The following SUSD1 variants were observed in gnomAD, a reference collection of about 807,000 sequenced individuals.
SUSD1 encodes sushi domain-containing protein 1.
In SUSD1, 65 loss-of-function variants were observed where a neutral mutation model predicts 86.9. The observed-to-expected ratio is 0.75, with a 90% CI of 0.61 to 0.92. The LOEUF (loss-of-function observed/expected upper bound fraction) is 0.92. Ranked by LOEUF, SUSD1 falls within the 40% of genes least tolerant of loss-of-function variation. The pLI is 0.00. For synonymous variants in SUSD1, 346 were observed against 350.0 expected (o/e 0.99, Z 0.13); for missense variants, 850 against 929.7 (o/e 0.91, Z 1.11).
intron 5 of SUSD1, among the ~76,000 whole-genome samples, chr9:112,135,748 C>A (rs1410350570): frequency 6.6e-6 from 1 of 152,216 alleles, no homozygotes; most frequent in African/African-American, 2.4e-5. Flanking sequence ...CCACTCCTCA[C>A]TAGAAAATGG....
At chr9:112,110,988 G>GT (rs1367674339) in intron 8 of SUSD1, among the ~76,000 whole-genome samples, 1 of 151,570 alleles carries the variant, frequency 6.6e-6, no homozygotes, top group Non-Finnish European at 1.5e-5. Flanking sequence ...TGGCTTTTTG[G>GT]TTTTTTTGGG....
intron 5 of SUSD1, among the ~76,000 whole-genome samples, chr9:112,141,744 T>G: frequency 7.9e-6 from 1 of 127,042 alleles, no homozygotes; most frequent in South Asian, 2.2e-4. Context: ...TAATATATAT[T>G]ACATGTAATA....
Position 112,175,191 on chromosome 9 carries a change from C to T in SUSD1, c.45G>A (p.Leu15=). The change falls in exon 1 of 17, where the codon CTG becomes CTA. Residue 15 remains leucine (L), a synonymous_variant. Transcript: ENST00000374270. The surrounding 1 kb of genome is among the most constrained non-coding windows in gnomAD (Gnocchi z 4.7). ...CCAGGCCGAGCAGCAGCAACAGCGG[C>T]AGCAGGCGGCGAGACGGGCCCGCAT... ...PWDAGPSRRL[L]PLLLLLGLAR... 1.7e-6 allele frequency: 2 copies of T among 1,153,594 alleles called. No individual in the cohort carries two copies. The highest frequency in any genetic ancestry group is 4.8e-5 in the Admixed American group (1 of 20,964). The allele number at this position is 1,153,594 out of a possible 1,614,324, so 71.5% of individuals were successfully genotyped here. A position where few individuals can be genotyped will look rare whatever the true frequency, so the allele number is the denominator to read the frequency against.
In SUSD1 at chr9:112,087,274, T is replaced by C. The variant is rs761473758; in HGVS notation, c.1475-7109A>G. 4.0e-4 allele frequency among the ~76,000 whole-genome samples: 61 copies of C among 152,172 alleles called. 1 individual carries two copies. The highest frequency in any genetic ancestry group is 2.6e-4 in the Non-Finnish European group (18 of 68,028). ...GCAGCCTCTGCTCACTGAACCCTGC[T>C]GGGTTCAAGTGACTCTTCTGCCTCA... is the stretch of plus-strand genomic sequence containing the variant. On this transcript the variant is annotated intron_variant, in intron 10 of 16. Transcript: ENST00000374270.
chr9:112,166,783 T>C (rs1431178755), intron 1 of SUSD1, among the ~76,000 whole-genome samples: 1 of 152,050 alleles, frequency 6.6e-6, no homozygotes, highest in Non-Finnish European at 1.5e-5. Context: ...AGGGAGGTGG[T>C]TGCCATGTAG....
Position 112,133,187 on chromosome 9 carries a change from A to T in SUSD1, c.707-8751T>A, listed in dbSNP as rs185799210. Among the ~76,000 whole-genome samples, 8 of 152,308 alleles carry T rather than the reference A, an allele frequency of 5.3e-5. No homozygotes were observed. The East Asian group carries it at 1.5e-3, about 29-fold the overall frequency. Reference sequence around the variant, plus strand: ...CTACTCGGGAGACTCAGGCAGGAAGATCCCTTAAGCCCAAGAATTTGAGGC... The same window carrying T: ...CTACTCGGGAGACTCAGGCAGGAAGTTCCCTTAAGCCCAAGAATTTGAGGC... On this transcript the variant is annotated intron_variant, in intron 5 of 16. Coordinates refer to ENST00000374270, the MANE Select transcript of SUSD1 (RefSeq NM_022486.5).
At chr9:112,147,844 C>CT (rs201940745) in intron 3 of SUSD1, among the ~76,000 whole-genome samples, 21 of 139,148 alleles carry the variant, frequency 1.5e-4, no homozygotes, top group East Asian at 5.8e-4. Flanking sequence ...ATCTTATATG[C>CT]TTTTTTTTTA....
At chr9:112,099,847 C>G (rs545795121) in intron 9 of SUSD1, among the ~76,000 whole-genome samples, 1 of 152,230 alleles carries the variant, frequency 6.6e-6, no homozygotes, top group African/African-American at 2.4e-5. Flanking sequence ...TCTTCTCTCT[C>G]AAACTCTTTG....
At chr9:112,163,948 C>T (rs6477882) in intron 1 of SUSD1, among the ~76,000 whole-genome samples, 72,690 of 151,676 alleles carry the variant, frequency 0.48, 18,049 homozygotes, top group African/African-American at 0.63. Flanking sequence ...TTGCAGTGAG[C>T]CAAGACTGTG....
chr9:112,173,841 C>A (rs754537129), intron 1 of SUSD1: 3 of 297,204 alleles, frequency 1.0e-5, no homozygotes, highest in Non-Finnish European at 2.0e-5. Flanking sequence ...CTTGGCAAAC[C>A]GCATGTTTGT....
At chr9:112,166,473 G>C (rs1833831596) in intron 1 of SUSD1, among the ~76,000 whole-genome samples, 1 of 152,180 alleles carries the variant, frequency 6.6e-6, no homozygotes, top group South Asian at 2.1e-4. Flanking sequence ...CTGCTCCCAG[G>C]TGGACCACAC....
At chr9:112,058,929 G>T (rs1198350229) in intron 13 of SUSD1, among the ~76,000 whole-genome samples, 1 of 152,262 alleles carries the variant, frequency 6.6e-6, no homozygotes, top group East Asian at 1.9e-4. Context: ...AAGTAGCTGG[G>T]ACTACAGGTG....
intron 5 of SUSD1, among the ~76,000 whole-genome samples, chr9:112,131,183 C>T (rs192155917): frequency 3.7e-4 from 56 of 152,316 alleles, no homozygotes; most frequent in African/African-American, 1.1e-3. Flanking sequence ...GTTTGTATGA[C>T]CTCAAAGTCC....
intron 15 of SUSD1, 174 bp from the exon 16 acceptor site, chr9:112,042,134 C>T: frequency 6.5e-7 from 1 of 1,539,670 alleles, no homozygotes; most frequent in Non-Finnish European, 8.7e-7. Flanking sequence ...TGTGGATATG[C>T]AGCCTCAGGA....
At chr9:112,046,179 A>AAGTGTTGCC (rs1425151812) in intron 15 of SUSD1, among the ~76,000 whole-genome samples, 22 of 152,232 alleles carry the variant, frequency 1.4e-4, no homozygotes, top group African/African-American at 5.3e-4. Context: ...GAGTGCTCAC[A>AAGTGTTGCC]AGTGTTGCCA....
chr9:112,129,790 A>T lies in SUSD1; in HGVS notation c.707-5354T>A, dbSNP rs1045500061. Among the ~76,000 whole-genome samples the T allele has an allele frequency of 2.0e-5, 3 of 152,186 alleles. No homozygotes were observed. The East Asian group carries it at 5.8e-4, about 29-fold the overall frequency. On this transcript the variant is annotated intron_variant, in intron 5 of 16. Coordinates refer to ENST00000374270, the MANE Select transcript of SUSD1 (RefSeq NM_022486.5). ...CTCCACAAGGTCCGCTTAAAATCGT[A>T]TGTTTTACACCGTTGTTCATTGATA...
At position 112,175,224 on chromosome 9, in the gene SUSD1, C is replaced by A; in HGVS notation, c.12G>T (p.Gly4=). 8.7e-7 allele frequency: 1 copy of A among 1,153,984 alleles called. No individual in the cohort carries two copies. The highest frequency in any genetic ancestry group is 1.6e-5 in the African/African-American group (1 of 61,480). 71.5% of individuals were successfully genotyped at this position (1,153,984 alleles called of 1,614,324 possible). ...GGCGAGACGGGCCCGCATCCCAGGG[C>A]CCCCGGCCCATGCCGCCGCCGGTCC... MGR[G]PWDAGPSRRL... The change falls in exon 1 of 17, where the codon GGG becomes GGT. Residue 4 remains glycine (G), a synonymous_variant. Transcript: ENST00000374270. The surrounding 1 kb of genome is among the most constrained non-coding windows in gnomAD (Gnocchi z 4.7).
chr9:112,117,474 A>G (rs1447144233), intron 6 of SUSD1, among the ~76,000 whole-genome samples: 1 of 152,206 alleles, frequency 6.6e-6, no homozygotes, highest in African/African-American at 2.4e-5. Flanking sequence ...AGAAAGTCTC[A>G]GTGAGTGATA....
intron 5 of SUSD1, among the ~76,000 whole-genome samples, chr9:112,130,389 GA>G (rs1831966258): frequency 6.7e-6 from 1 of 148,500 alleles, no homozygotes; most frequent in Non-Finnish European, 1.5e-5. Flanking sequence ...AAAAGAAGGG[GA>G]GGGGAAGGGA....
Sources: allele counts gnomAD v4.1 joint callset (sites outside exome capture counted in the v4.1 genomes callset), GRCh38; gene constraint gnomAD v4.1.1; non-coding constraint Gnocchi (gnomAD v3.1); transcripts MANE v1.5; gene names NCBI Gene and HGNC (gene_info 2026-07-23, HGNC 2026-07-21).